NEK11: variants seen among roughly 807,000 people sequenced by gnomAD.
NEK11 encodes the protein NIMA related kinase 11.
A neutral mutation model predicts 80.7 loss-of-function variants in NEK11; 72 were observed. The observed-to-expected ratio is 0.89, with a 90% CI of 0.74 to 1.08. NEK11 has a LOEUF of 1.08. NEK11 is among the 50% of genes least tolerant of loss of function. The probability of loss-of-function intolerance (pLI) is 0.00; values close to 1 mark genes in which losing one functional copy is unlikely to be tolerated. For missense variants in NEK11, 764 were observed against 763.6 expected (o/e 1.00, Z -0.01); for synonymous variants, 251 against 260.7 (o/e 0.96, Z 0.36).
chr3:131,343,059 A>G (rs2097309940), intron 17 of NEK11, among the ~76,000 whole-genome samples: 1 of 152,060 alleles, frequency 6.6e-6, no homozygotes, highest in Non-Finnish European at 1.5e-5. Flanking sequence ...AGTGTGCAGT[A>G]AAAAAGCAAC....
chr3:131,068,861 C>A (rs907825828), intron 3 of NEK11, among the ~76,000 whole-genome samples: 2 of 152,156 alleles, frequency 1.3e-5, no homozygotes, highest in Non-Finnish European at 2.9e-5. Flanking sequence ...GACCCAGAAT[C>A]AGTGTTTAAA....
intron 4 of NEK11, among the ~76,000 whole-genome samples, chr3:131,099,154 G>GTAAA (rs2077963041): frequency 6.6e-6 from 1 of 152,162 alleles, no homozygotes; most frequent in Non-Finnish European, 1.5e-5. Flanking sequence ...TTTGTATGTG[G>GTAAA]TAAAAGGTAA....
chr3:131,318,378 C>T (rs752270002), intron 17 of NEK11, among the ~76,000 whole-genome samples: 12 of 152,166 alleles, frequency 7.9e-5, no homozygotes, highest in Middle Eastern at 3.4e-3. Context: ...AATTTGGCAA[C>T]GTCTGTTCAA....
intron 17 of NEK11, among the ~76,000 whole-genome samples, chr3:131,333,836 G>A (rs1418547619): frequency 6.6e-6 from 1 of 152,164 alleles, no homozygotes; most frequent in African/African-American, 2.4e-5. Context: ...TGATAAAACA[G>A]ACTTTAAACC....
rs566031600 is a variant in NEK11, at chr3:131,121,726, G to A, written c.456-11019G>A. Among the ~76,000 whole-genome samples, 458 of 152,302 alleles carry A rather than the reference G, an allele frequency of 3.0e-3. 1 individual carries two copies. The highest frequency in any genetic ancestry group is 6.8e-3 in the Middle Eastern group (2 of 294). Reference sequence around the variant, plus strand: ...CAGCCTCGCTGCCCCCTTGCAGTTGGATCTCAGACTGCTGTGCTAGCAGTG... The same window carrying A: ...CAGCCTCGCTGCCCCCTTGCAGTTGAATCTCAGACTGCTGTGCTAGCAGTG... On this transcript the variant is annotated intron_variant, in intron 5 of 17. Coordinates refer to ENST00000383366, the MANE Select transcript of NEK11 (RefSeq NM_024800.5).
chr3:131,187,229 G>A (rs2093634418), intron 14 of NEK11, among the ~76,000 whole-genome samples: 1 of 152,144 alleles, frequency 6.6e-6, no homozygotes, highest in Non-Finnish European at 1.5e-5. Context: ...CACATTTCAA[G>A]TGCTTAATAA....
chr3:131,054,748 CTAAATAAA>C (rs538450777), intron 3 of NEK11, among the ~76,000 whole-genome samples: 12 of 132,620 alleles, frequency 9.0e-5, no homozygotes, highest in East Asian at 8.9e-4. Flanking sequence ...CAGCCTGCCT[CTAAATAAA>C]TAAATAAATA....
chr3:131,261,267 G>A (rs961880391), intron 16 of NEK11, among the ~76,000 whole-genome samples: 3 of 152,084 alleles, frequency 2.0e-5, no homozygotes, highest in Admixed American at 6.6e-5. Context: ...ATGTGTCTTC[G>A]TATCATTTTG....
At chr3:131,078,372 A>G (rs572203635) in intron 3 of NEK11, among the ~76,000 whole-genome samples, 2 of 152,304 alleles carry the variant, frequency 1.3e-5, no homozygotes, top group Admixed American at 1.3e-4. Context: ...GGAATAGGAT[A>G]AGGGCACTTT....
intron 14 of NEK11, among the ~76,000 whole-genome samples, chr3:131,187,296 T>C (rs1295182027): frequency 6.6e-6 from 1 of 152,206 alleles, no homozygotes; most frequent in Non-Finnish European, 1.5e-5. Flanking sequence ...CATTGCATCA[T>C]CGAAGAAAGT....
intron 16 of NEK11, among the ~76,000 whole-genome samples, chr3:131,261,026 A>G (rs1251586250): frequency 6.6e-6 from 1 of 152,194 alleles, no homozygotes; most frequent in Non-Finnish European, 1.5e-5. Context: ...TTTATGATCA[A>G]GGTCATTTGT....
intron 7 of NEK11, among the ~76,000 whole-genome samples, chr3:131,150,318 A>G (rs2089389228): frequency 6.6e-6 from 1 of 151,994 alleles, no homozygotes; most frequent in Non-Finnish European, 1.5e-5. Flanking sequence ...TTGCATTTAC[A>G]TCAACTTGCC....
chr3:131,119,737 T>C (rs899734831), intron 5 of NEK11, among the ~76,000 whole-genome samples: 1 of 152,220 alleles, frequency 6.6e-6, no homozygotes, highest in Non-Finnish European at 1.5e-5. Context: ...GCCTTCTTTG[T>C]CTCTTTTGAT....
intron 14 of NEK11, among the ~76,000 whole-genome samples, chr3:131,202,729 G>A (rs751411790): frequency 4.6e-5 from 7 of 152,084 alleles, no homozygotes; most frequent in South Asian, 2.1e-4. Context: ...ACAAATTTAC[G>A]AGAAAAAAAT....
intron 17 of NEK11, among the ~76,000 whole-genome samples, chr3:131,282,935 A>C (rs2096419130): frequency 6.6e-6 from 1 of 152,174 alleles, no homozygotes. Context: ...GTTTATATGG[A>C]GGGAAACTAA....
chr3:131,203,359 CAT>C (rs1230340281), intron 14 of NEK11, among the ~76,000 whole-genome samples: 3 of 146,818 alleles, frequency 2.0e-5, no homozygotes, highest in Non-Finnish European at 4.4e-5. Flanking sequence ...TGTTCTCACT[CAT>C]AGATGGGAAT....
At chr3:131,293,376 T>C (rs2096562897) in intron 17 of NEK11, among the ~76,000 whole-genome samples, 1 of 152,194 alleles carries the variant, frequency 6.6e-6, no homozygotes, top group African/African-American at 2.4e-5. Context: ...AGTCTATTGA[T>C]GTAATGAATT....
At chr3:131,183,964 A>G (rs553479438) in intron 14 of NEK11, among the ~76,000 whole-genome samples, 1 of 152,168 alleles carries the variant, frequency 6.6e-6, no homozygotes, top group African/African-American at 2.4e-5. Flanking sequence ...TCGACTTTTT[A>G]TAATCGCAGA....
At chr3:131,065,683 A>T (rs993118698) in intron 3 of NEK11, among the ~76,000 whole-genome samples, 2 of 152,158 alleles carry the variant, frequency 1.3e-5, no homozygotes, top group Non-Finnish European at 2.9e-5. Context: ...CACTCATCTT[A>T]GATTTGAGGA....
Sources: gnomAD v4.1 joint callset for allele counts (sites outside exome capture counted in the v4.1 genomes callset) on GRCh38, gnomAD v4.1.1 for gene constraint, MANE v1.5 for transcripts, NCBI Gene and HGNC (gene_info 2026-07-23, HGNC 2026-07-21) for gene names.